Variants in CDC123 observed in about 807,000 individuals in gnomAD.
The protein encoded by CDC123 is translation initiation factor eIF2 assembly protein.
A neutral mutation model predicts 54.4 loss-of-function variants in CDC123; 37 were observed. The observed-to-expected ratio is 0.68, with a 90% CI of 0.52 to 0.89. The LOEUF is 0.89. Ranked by LOEUF, CDC123 falls within the 40% of genes least tolerant of loss-of-function variation. CDC123 has a pLI of 0.00. For missense variants in CDC123, 361 were observed against 412.1 expected, an observed-to-expected ratio of 0.88 and a Z score of 1.07; for synonymous variants, 144 against 136.8, an observed-to-expected ratio of 1.05 and a Z score of -0.37.
At chr10:12,229,119 A>G (rs760796063) in intron 6 of CDC123, among the ~76,000 whole-genome samples, 5 of 151,940 alleles carry the variant, frequency 3.3e-5, no homozygotes, top group Non-Finnish European at 7.4e-5. Context: ...CATCTCCCCG[A>G]GGCTATTGCA....
intron 6 of CDC123, among the ~76,000 whole-genome samples, chr10:12,228,287 T>G (rs541817791): frequency 3.9e-5 from 6 of 152,180 alleles, no homozygotes; most frequent in African/African-American, 1.2e-4. Flanking sequence ...ATTAAAATAA[T>G]TTTTAATCGA....
rs1419737019 is a variant in CDC123 at position 12,198,689 on chromosome 10, G to C, written c.75-16G>C. On this transcript the variant is annotated splice_polypyrimidine_tract_variant and intron_variant, in intron 1 of 12. Coordinates refer to ENST00000281141, the MANE Select transcript of CDC123 (RefSeq NM_006023.3). ...GGTCTTTTAAAATGATGCCTTTTTT[G>C]GTGTTTTTTTTTTAGTGTCATTCTT... is the stretch of plus-strand genomic sequence containing the variant. The C allele has an allele frequency of 1.4e-6, 2 of 1,459,996 alleles. No homozygotes were observed. Among genetic ancestry groups the C allele is most frequent in the Non-Finnish European group, 1.9e-6 (2 of 1,055,004 alleles). The allele number at this position is 1,459,996 out of a possible 1,614,324, so 90.4% of individuals were successfully genotyped here.
At chr10:12,240,375 T>G (rs1236592785) in intron 10 of CDC123, among the ~76,000 whole-genome samples, 2 of 152,194 alleles carry the variant, frequency 1.3e-5, no homozygotes, top group Non-Finnish European at 2.9e-5. Context: ...CGTGCTTAGA[T>G]CAGCCTCATT....
chr10:12,201,514 A>G (rs1467807498), intron 2 of CDC123, among the ~76,000 whole-genome samples: 4 of 152,170 alleles, frequency 2.6e-5, no homozygotes, highest in Non-Finnish European at 5.9e-5. Flanking sequence ...GGTGGGGGGA[A>G]CAGCATTAAT....
rs1444118429 is a variant in CDC123, at chr10:12,246,254, A to C, written c.823A>C (p.Ser275Arg). 1.2e-6 allele frequency: 2 copies of C among 1,614,074 alleles called. No individual in the cohort carries two copies. The highest frequency in any genetic ancestry group is 2.7e-5 in the African/African-American group (2 of 74,938). ...ISENNLNGDF[S>R]EVDAQEQDSP... ...TGAGAACAACTTAAACGGCGATTTTAGTGAAGTTGACGCTCAAGAGCAGGT... is the reference window on the plus strand; with the variant it reads ...TGAGAACAACTTAAACGGCGATTTTCGTGAAGTTGACGCTCAAGAGCAGGT... Residue 275 changes from serine (S) to arginine (R), a missense_variant, in exon 11 of 13, where the codon AGT (serine) becomes CGT (arginine). Coordinates refer to ENST00000281141, the MANE Select transcript of CDC123 (RefSeq NM_006023.3).
intron 11 of CDC123, 188 bp downstream of exon 11, chr10:12,246,465 T>C (rs1564260700): frequency 3.7e-6 from 2 of 546,774 alleles, no homozygotes; most frequent in African/African-American, 1.9e-5. Flanking sequence ...TAACTTTATA[T>C]ACAGAAGTCA....
chr10:12,229,441 T>C (rs943268358), intron 6 of CDC123, among the ~76,000 whole-genome samples: 1 of 152,168 alleles, frequency 6.6e-6, no homozygotes, highest in Non-Finnish European at 1.5e-5. Context: ...AGTCCTGCAC[T>C]CCATCAGAGC....
At chr10:12,199,254 G>A (rs1421740096) in intron 2 of CDC123, among the ~76,000 whole-genome samples, 1 of 152,144 alleles carries the variant, frequency 6.6e-6, no homozygotes, top group African/African-American at 2.4e-5. Flanking sequence ...AGAAGTTACT[G>A]TGTTTCAGTC....
At chr10:12,223,782 C>G (rs1199652018) in intron 6 of CDC123, among the ~76,000 whole-genome samples, 1 of 151,702 alleles carries the variant, frequency 6.6e-6, no homozygotes, top group Non-Finnish European at 1.5e-5. Context: ...AAAATTATTT[C>G]AGTGTTTATT....
At chr10:12,209,311 A>G (rs1301507667) in intron 2 of CDC123, among the ~76,000 whole-genome samples, 1 of 152,084 alleles carries the variant, frequency 6.6e-6, no homozygotes, top group Non-Finnish European at 1.5e-5. Context: ...ATCTTAGGTC[A>G]TTGTAGCCTC....
At chr10:12,209,893 TCAGTACC>T in intron 2 of CDC123, 67 bp from the exon 3 acceptor site, 1 of 1,403,714 alleles carries the variant, frequency 7.1e-7, no homozygotes, top group Non-Finnish European at 1.0e-6. Flanking sequence ...AAACATATAC[TCAGTACC>T]CCTGAAATTA....
intron 11 of CDC123, 120 bp downstream of exon 11, chr10:12,246,397 C>A: frequency 9.0e-7 from 1 of 1,115,488 alleles, no homozygotes; most frequent in Non-Finnish European, 1.3e-6. Flanking sequence ...CAGAGTGTAA[C>A]ACAGCTTTAC....
intron 2 of CDC123, among the ~76,000 whole-genome samples, chr10:12,199,261 A>G (rs1167345493): frequency 6.6e-6 from 1 of 152,178 alleles, no homozygotes; most frequent in Non-Finnish European, 1.5e-5. Flanking sequence ...ACTGTGTTTC[A>G]GTCTTTTGGA....
intron 10 of CDC123, among the ~76,000 whole-genome samples, chr10:12,243,290 T>C (rs1836084810): frequency 6.6e-6 from 1 of 151,568 alleles, no homozygotes; most frequent in Non-Finnish European, 1.5e-5. Context: ...CCCAGCTACT[T>C]AGGAGGTGGA....
In CDC123 at chr10:12,196,207, G is replaced by A. The variant is rs374983987; in HGVS notation, c.-39G>A. 6.2e-7 allele frequency: 1 copy of A among 1,613,580 alleles called. No homozygotes were observed. The highest frequency in any genetic ancestry group is 8.5e-7 in the Non-Finnish European group (1 of 1,179,952). On this transcript the variant is annotated 5_prime_UTR_variant, in exon 1 of 13. Transcript: ENST00000281141. ...GCGCCCAGAGTTCCGGGAGGGTGCAGGCAGGAGAGGGAAAGGCAGCAGCGG... is the reference window on the plus strand; with the variant it reads ...GCGCCCAGAGTTCCGGGAGGGTGCAAGCAGGAGAGGGAAAGGCAGCAGCGG...
rs534262429 is a variant in CDC123, at chr10:12,243,368, T to C, written c.718-2781T>C. Among the ~76,000 whole-genome samples the C allele has an allele frequency of 2.1e-4, 31 of 148,986 alleles. No individual in the cohort carries two copies. The South Asian group carries it at 6.6e-3, about 32-fold the overall frequency. ...AGCCGAGATCTCACCATTGCACTCCTGCCTGGGCAACAAGAGTGAAAAAAA... is the reference window on the plus strand; with the variant it reads ...AGCCGAGATCTCACCATTGCACTCCCGCCTGGGCAACAAGAGTGAAAAAAA... On this transcript the variant is annotated intron_variant, in intron 10 of 12. Coordinates refer to ENST00000281141, the MANE Select transcript of CDC123 (RefSeq NM_006023.3).
chr10:12,218,247 C>CT (rs34125393), intron 6 of CDC123, among the ~76,000 whole-genome samples: 23,367 of 119,188 alleles, frequency 0.2, 2,771 homozygotes, highest in Non-Finnish European at 0.24. Context: ...CTTTTTTTTT[C>CT]TTTTTTTTTT....
At chr10:12,209,121 T>A (rs1315757992) in intron 2 of CDC123, among the ~76,000 whole-genome samples, 1 of 152,202 alleles carries the variant, frequency 6.6e-6, no homozygotes, top group African/African-American at 2.4e-5. Flanking sequence ...TAGATGATTC[T>A]CAGTATTATC....
chr10:12,225,559 G>A (rs910718593), intron 6 of CDC123, among the ~76,000 whole-genome samples: 3 of 152,002 alleles, frequency 2.0e-5, no homozygotes, highest in East Asian at 1.9e-4. Flanking sequence ...GAGGTTCAGC[G>A]TGCAGTAAGT....
Sources: gnomAD v4.1 joint callset for allele counts (sites outside exome capture counted in the v4.1 genomes callset) on GRCh38, gnomAD v4.1.1 for gene constraint, MANE v1.5 for transcripts, NCBI Gene and HGNC (gene_info 2026-07-23, HGNC 2026-07-21) for gene names.